EZR: variants seen among roughly 807,000 people sequenced by gnomAD.
EZR encodes the protein cytovillin 2.
A neutral mutation model predicts 74.8 loss-of-function variants in EZR; 40 were observed. The observed-to-expected ratio is 0.53, with a 90% confidence interval of 0.42 to 0.70. The LOEUF (loss-of-function observed/expected upper bound fraction) is 0.70, where lower values mean the gene tolerates loss of function less well. EZR is among the 30% of genes least tolerant of loss of function. EZR has a pLI of 0.00. For synonymous variants in EZR, 341 were observed against 283.3 expected (o/e 1.20, Z -2.05); for missense variants, 678 against 755.8 (o/e 0.90, Z 1.21).
chr6:158,796,430 G>T (rs1282416949), intron 2 of EZR, among the ~76,000 whole-genome samples: 37 of 152,374 alleles, frequency 2.4e-4, no homozygotes, highest in Non-Finnish European at 5.9e-5. Context: ...GGCGGCAGGG[G>T]TGGCCCCAGC....
intron 2 of EZR, among the ~76,000 whole-genome samples, chr6:158,800,870 A>C (rs1242291280): frequency 6.6e-6 from 1 of 152,258 alleles, no homozygotes; most frequent in Non-Finnish European, 1.5e-5. Flanking sequence ...ATGAAGATGT[A>C]GAACACGGCT....
chr6:158,812,178 CAG>C (rs139058139), intron 2 of EZR, among the ~76,000 whole-genome samples: 9 of 152,224 alleles, frequency 5.9e-5, no homozygotes, highest in African/African-American at 9.6e-5. Flanking sequence ...CTCTTTTTCA[CAG>C]AGTCATCCTA....
chr6:158,782,097 T>TG (rs1409859332), intron 7 of EZR, among the ~76,000 whole-genome samples: 1 of 152,054 alleles, frequency 6.6e-6, no homozygotes, highest in Non-Finnish European at 1.5e-5. Flanking sequence ...CCAGCACACT[T>TG]GGAGTAGGAG....
At chr6:158,774,035 A>C (rs1419143551) in intron 8 of EZR, among the ~76,000 whole-genome samples, 2 of 152,218 alleles carry the variant, frequency 1.3e-5, no homozygotes, top group African/African-American at 4.8e-5. Context: ...TGAGAACTGG[A>C]CAAAGACTCA....
intron 2 of EZR, among the ~76,000 whole-genome samples, chr6:158,814,288 C>G (rs1013649414): frequency 2.0e-5 from 3 of 152,154 alleles, no homozygotes; most frequent in African/African-American, 7.2e-5. Flanking sequence ...GTGCGCCCCC[C>G]AGCCCTCAAG....
At chr6:158,807,784 T>TTCTTTCAGGAGGGGCTGAGG (rs1562506644) in intron 2 of EZR, among the ~76,000 whole-genome samples, 1 of 152,198 alleles carries the variant, frequency 6.6e-6, no homozygotes, top group Non-Finnish European at 1.5e-5. Flanking sequence ...AAGCAGGTCT[T>TTCTTTCAGGAGGGGCTGAGG]TCTTTCAGGA....
Position 158,766,883 on chromosome 6 carries a change from C to T in EZR, c.*31G>A. On this transcript the variant is annotated 3_prime_UTR_variant, in exon 14 of 14. Coordinates refer to ENST00000367075, the MANE Select transcript of EZR (RefSeq NM_001111077.2). ...CGGGGCTGGCAGCGCCCGCTATGAG[C>T]ACCCCTCTGCCCTTGGTCCTGGCCT... 6.2e-7 allele frequency: 1 copy of T among 1,601,492 alleles called. No individual in the cohort carries two copies. Among genetic ancestry groups the T allele is most frequent in the South Asian group, 1.1e-5 (1 of 90,250 alleles).
At chr6:158,815,575 A>T (rs572156571) in intron 2 of EZR, among the ~76,000 whole-genome samples, 45 of 152,320 alleles carry the variant, frequency 3.0e-4, no homozygotes, top group African/African-American at 1.1e-3. Context: ...TCCAGGGCTC[A>T]TCAAGCAATC....
chr6:158,792,184 A>G (rs1791766150), intron 2 of EZR, among the ~76,000 whole-genome samples: 1 of 152,180 alleles, frequency 6.6e-6, no homozygotes, highest in African/African-American at 2.4e-5. Context: ...TATCTGACTG[A>G]AAGTTCACAC....
chr6:158,818,912 G>A (rs917655459), intron 1 of EZR, among the ~76,000 whole-genome samples: 24 of 152,064 alleles, frequency 1.6e-4, no homozygotes, highest in African/African-American at 5.8e-4. Context: ...GTCCGCCGAG[G>A]AACTTCCCGG....
At chr6:158,775,162 A>G (rs557212009) in intron 8 of EZR, among the ~76,000 whole-genome samples, 21 of 151,344 alleles carry the variant, frequency 1.4e-4, no homozygotes, top group Non-Finnish European at 1.2e-4. Flanking sequence ...CCTCCCGAGC[A>G]GCTGAGATTA....
At chr6:158,792,902 G>C (rs1158821451) in intron 2 of EZR, among the ~76,000 whole-genome samples, 1 of 151,612 alleles carries the variant, frequency 6.6e-6, no homozygotes, top group Non-Finnish European at 1.5e-5. Context: ...CTGAGCACCA[G>C]CAGCTCCAAC....
intron 2 of EZR, among the ~76,000 whole-genome samples, chr6:158,792,638 T>C (rs980552964): frequency 6.6e-6 from 1 of 151,810 alleles, no homozygotes; most frequent in African/African-American, 2.4e-5. Context: ...GCTAACACGA[T>C]GAAACCCCAT....
intron 2 of EZR, among the ~76,000 whole-genome samples, chr6:158,801,114 C>A (rs960924443): frequency 7.9e-5 from 12 of 152,198 alleles, no homozygotes; most frequent in Middle Eastern, 3.4e-3. Context: ...GGTAACAGAA[C>A]CCTGTCTTTT....
In EZR at chr6:158,784,505, C is replaced by T. The variant is rs529508831; in HGVS notation, c.551+139G>A. ...AAAAAAACCTCTTCCCTAAGAAAAC[C>T]CCACTTTTAACTCGGTTCCCTCAAG... On this transcript the variant is annotated intron_variant, in intron 6 of 13. Coordinates refer to ENST00000367075, the MANE Select transcript of EZR (RefSeq NM_001111077.2). 3.6e-5 allele frequency: 25 copies of T among 687,236 alleles called. No homozygotes were observed. In the East Asian group the frequency reaches 6.9e-4, roughly 19 times the overall value. The allele number at this position is 687,236 out of a possible 1,614,324, so 42.6% of individuals were successfully genotyped here. A position where few individuals can be genotyped will look rare whatever the true frequency, so the allele number is the denominator to read the frequency against.
chr6:158,787,291 G>A, intron 3 of EZR, 88 bp from the exon 4 acceptor site: 1 of 1,060,348 alleles, frequency 9.4e-7, no homozygotes, highest in Non-Finnish European at 1.4e-6. Context: ...ACATGGTCTA[G>A]CAGAGTCCCC....
intron 2 of EZR, among the ~76,000 whole-genome samples, chr6:158,817,377 T>C (rs780851299): frequency 2.2e-4 from 34 of 152,168 alleles, no homozygotes; most frequent in Non-Finnish European, 4.1e-4. Context: ...CACAATCAGA[T>C]TCAAGGAGAC....
intron 12 of EZR, among the ~76,000 whole-genome samples, chr6:158,767,720 G>A (rs1251812628): frequency 6.6e-6 from 1 of 152,066 alleles, no homozygotes; most frequent in Non-Finnish European, 1.5e-5. Context: ...TGTGATGCCG[G>A]AACCTGGGCA....
chr6:158,788,914 C>A (rs924131123), intron 3 of EZR, among the ~76,000 whole-genome samples: 1 of 152,160 alleles, frequency 6.6e-6, no homozygotes, highest in Non-Finnish European at 1.5e-5. Context: ...GAGGTGGAGG[C>A]AGCTGCGGGT....
Sources: gnomAD v4.1 joint callset for allele counts (sites outside exome capture counted in the v4.1 genomes callset) on GRCh38, gnomAD v4.1.1 for gene constraint, MANE v1.5 for transcripts, NCBI Gene and HGNC (gene_info 2026-07-23, HGNC 2026-07-21) for gene names.